The following CYP2C19 variants were observed in gnomAD, a reference collection of about 807,000 sequenced individuals.
CYP2C19 encodes cytochrome P450 2C19.
CYP2C19 carries 59 observed loss-of-function variants against 40.9 expected under a neutral mutation model. The ratio of observed to expected loss-of-function variants is 1.44; its 90% CI spans 1.17 to 1.79. The LOEUF (loss-of-function observed/expected upper bound fraction) is 1.79, where lower values mean the gene tolerates loss of function less well. Among genes scored for constraint, CYP2C19 ranks in the 40% most tolerant of loss-of-function variants. The pLI, the probability that CYP2C19 is intolerant of heterozygous loss-of-function variation, is 0.00. For missense variants in CYP2C19, 754 were observed against 596.9 expected, an observed-to-expected ratio of 1.26 and a Z score of -2.74; for synonymous variants, 253 against 208.7, an observed-to-expected ratio of 1.21 and a Z score of -1.83.
chr10:94,823,157 G>A (rs75280500), intron 6 of CYP2C19, among the ~76,000 whole-genome samples: 7,250 of 152,204 alleles, frequency 0.048, 235 homozygotes, highest in South Asian at 0.11. Flanking sequence ...TGTCCCTTAA[G>A]TCCCCTCAAT....
In CYP2C19 at chr10:94,783,764, T is replaced by C. The variant is rs146191614; in HGVS notation, c.819+1767T>C. On this transcript the variant is annotated intron_variant, in intron 5 of 8. Coordinates refer to ENST00000371321, the MANE Select transcript of CYP2C19 (RefSeq NM_000769.4). Reference sequence around the variant, plus strand: ...TGAGTCTTTTGTTGTTCTTTTTCAATACTGTTTTCACTATTCTGGGTCCCT... The same window carrying C: ...TGAGTCTTTTGTTGTTCTTTTTCAACACTGTTTTCACTATTCTGGGTCCCT... 3.1e-3 allele frequency among the ~76,000 whole-genome samples: 473 copies of C among 152,268 alleles called. 3 individuals carry two copies. Among genetic ancestry groups the C allele is most frequent in the African/African-American group, 0.011 (449 of 41,576 alleles).
At chr10:94,815,842 T>G (rs979248540) in intron 5 of CYP2C19, among the ~76,000 whole-genome samples, 1 of 152,214 alleles carries the variant, frequency 6.6e-6, no homozygotes, top group African/African-American at 2.4e-5. Flanking sequence ...CAATTTCAAC[T>G]TTATAATGAA....
intron 5 of CYP2C19, among the ~76,000 whole-genome samples, chr10:94,818,064 G>A (rs1187742616): frequency 7.0e-6 from 1 of 142,778 alleles, no homozygotes; most frequent in Non-Finnish European, 1.5e-5. Flanking sequence ...ATTGATTTTT[G>A]TATAAGGTGT....
intron 1 of CYP2C19, chr10:94,774,279 G>A (rs1015803972): frequency 3.9e-5 from 6 of 152,122 alleles, no homozygotes; most frequent in Admixed American, 2.0e-4. Context: ...AATGAGAATA[G>A]CCATGATAAT....
At chr10:94,845,905 A>G (rs1195908118) in intron 7 of CYP2C19, among the ~76,000 whole-genome samples, 1 of 152,094 alleles carries the variant, frequency 6.6e-6, no homozygotes, top group Non-Finnish European at 1.5e-5. Flanking sequence ...CTATATGTAC[A>G]TATGGCAGTG....
At chr10:94,848,138 A>T (rs769050382) in intron 7 of CYP2C19, among the ~76,000 whole-genome samples, 13 of 152,190 alleles carry the variant, frequency 8.5e-5, no homozygotes, top group African/African-American at 3.1e-4. Flanking sequence ...TGTTTTAGAC[A>T]TGAAGTCCTT....
At chr10:94,846,206 C>A (rs971643420) in intron 7 of CYP2C19, among the ~76,000 whole-genome samples, 1 of 152,106 alleles carries the variant, frequency 6.6e-6, no homozygotes, top group East Asian at 1.9e-4. Flanking sequence ...CAGTTCATTT[C>A]CTCTGTTTCC....
At chr10:94,797,791 G>A (rs141927592) in intron 5 of CYP2C19, among the ~76,000 whole-genome samples, 189 of 152,198 alleles carry the variant, frequency 1.2e-3, no homozygotes, top group Middle Eastern at 6.8e-3. Flanking sequence ...GGTGTTTATA[G>A]TATTCTGTGA....
chr10:94,829,656 A>T (rs1380052460), intron 6 of CYP2C19, among the ~76,000 whole-genome samples: 1 of 151,136 alleles, frequency 6.6e-6, no homozygotes, highest in African/African-American at 2.4e-5. Context: ...CTCTCAGCTC[A>T]TCAAAGTCAT....
chr10:94,783,492 T>C (rs1241444166), intron 5 of CYP2C19, among the ~76,000 whole-genome samples: 1 of 152,146 alleles, frequency 6.6e-6, no homozygotes, highest in Non-Finnish European at 1.5e-5. Flanking sequence ...ATCTATCAGA[T>C]ACCGTGTAAA....
chr10:94,763,873 T>C (rs372708266), intron 1 of CYP2C19, among the ~76,000 whole-genome samples: 1 of 152,060 alleles, frequency 6.6e-6, no homozygotes, highest in African/African-American at 2.4e-5. Flanking sequence ...CTTAAAGATA[T>C]TGTGCCAGAG....
Position 94,770,056 on chromosome 10 carries a change from A to T in CYP2C19, c.169-5002A>T, listed in dbSNP as rs115289664. 4.5e-3 allele frequency among the ~76,000 whole-genome samples: 689 copies of T among 152,288 alleles called. 7 individuals carry two copies. The highest frequency in any genetic ancestry group is 0.015 in the African/African-American group (640 of 41,580). The stretch of plus-strand genomic sequence containing the variant: ...ATTTCTCAGATGGTAACGGACCTTG[A>T]GGACCGTCATCCAGGACAGGAGATT... On this transcript the variant is annotated intron_variant, in intron 1 of 8. Transcript: ENST00000371321.
rs185036125 is a variant in CYP2C19, at chr10:94,840,117, G to T, written c.962-2720G>T. On this transcript the variant is annotated intron_variant, in intron 6 of 8. Transcript: ENST00000371321. ...CCGACTGAATGCATTTGGCCCATCC[G>T]CGGGTTACTGGGTTAAGGATTTAAT... Among the ~76,000 whole-genome samples the T allele has an allele frequency of 2.4e-4, 37 of 152,134 alleles. 1 individual carries two copies. The East Asian group carries it at 4.8e-3, about 20-fold the overall frequency.
rs57079188 is a variant in CYP2C19, at chr10:94,762,901, A to G, written c.168+28A>G. ...AAGTATGCTCCTTCAGTGGCTTGCA[A>G]AAGGTAAGTAAATTCACCTGTATTT... On this transcript the variant is annotated intron_variant, in intron 1 of 8. Coordinates refer to ENST00000371321, the MANE Select transcript of CYP2C19 (RefSeq NM_000769.4). The G allele has an allele frequency of 1.7e-3, 2,639 of 1,594,872 alleles. 4 individuals are homozygous for G. Among genetic ancestry groups the G allele is most frequent in the Non-Finnish European group, 2.2e-3 (2,528 of 1,163,158 alleles).
chr10:94,847,746 C>T (rs566340748), intron 7 of CYP2C19, among the ~76,000 whole-genome samples: 1 of 152,204 alleles, frequency 6.6e-6, no homozygotes, highest in African/African-American at 2.4e-5. Context: ...CCTGTTGTTT[C>T]CTGACTTTTT....
intron 7 of CYP2C19, among the ~76,000 whole-genome samples, chr10:94,847,281 T>C (rs767952097): frequency 5.3e-5 from 8 of 152,168 alleles, no homozygotes; most frequent in Non-Finnish European, 1.0e-4. Context: ...CCTGTGTCCA[T>C]GTGTTCTCAT....
At chr10:94,791,461 GT>G (rs1848604524) in intron 5 of CYP2C19, among the ~76,000 whole-genome samples, 1 of 152,058 alleles carries the variant, frequency 6.6e-6, no homozygotes, top group Non-Finnish European at 1.5e-5. Context: ...TGATGTTAGG[GT>G]GTCAAATTTA....
chr10:94,793,992 G>A (rs1417131350), intron 5 of CYP2C19, among the ~76,000 whole-genome samples: 1 of 152,066 alleles, frequency 6.6e-6, no homozygotes, highest in Non-Finnish European at 1.5e-5. Context: ...CCTCCTTGAG[G>A]TGCGGTGGTC....
At chr10:94,767,675 A>G (rs1447171815) in intron 1 of CYP2C19, among the ~76,000 whole-genome samples, 1 of 152,196 alleles carries the variant, frequency 6.6e-6, no homozygotes, top group African/African-American at 2.4e-5. Flanking sequence ...TGGCCCTGTA[A>G]ATAGGGATTT....
Sources: gnomAD v4.1 joint callset for allele counts (sites outside exome capture counted in the v4.1 genomes callset) on GRCh38, gnomAD v4.1.1 for gene constraint, MANE v1.5 for transcripts, NCBI Gene and HGNC (gene_info 2026-07-23, HGNC 2026-07-21) for gene names.